CCDC32: variants seen among roughly 807,000 people sequenced by gnomAD.
CCDC32 encodes the protein coiled-coil domain containing 32.
In CCDC32, 9 loss-of-function variants were observed where a neutral mutation model predicts 20.1. The ratio of observed to expected loss-of-function variants is 0.45; its 90% confidence interval spans 0.27 to 0.78. The LOEUF is 0.78. Among genes scored for constraint, CCDC32 ranks in the 30% least tolerant of loss-of-function variants. The pLI is 0.16. For synonymous variants in CCDC32, 63 were observed against 79.0 expected, an observed-to-expected ratio of 0.80 and a Z score of 1.07; for missense variants, 204 against 215.5, an observed-to-expected ratio of 0.95 and a Z score of 0.33.
downstream of CCDC32, chr15:40,534,377 T>C (rs1355363436): frequency 6.4e-6 from 1 of 156,132 alleles, no homozygotes; most frequent in Non-Finnish European, 1.4e-5. Context: ...GGCTCACAGT[T>C]TGGCATGGCT....
chr15:40,558,693 T>C (rs1213772291), intron 2 of CCDC32, among the ~76,000 whole-genome samples: 1 of 152,192 alleles, frequency 6.6e-6, no homozygotes, highest in African/African-American at 2.4e-5. Flanking sequence ...ATGACTCTTA[T>C]TTTCTTCAGA....
chr15:40,551,154 G>A (rs112078527), downstream of CCDC32, among the ~76,000 whole-genome samples: 2,460 of 152,218 alleles, frequency 0.016, 56 homozygotes, highest in African/African-American at 0.056. Flanking sequence ...AGGCCGAGGC[G>A]GGCGGATCAT....
downstream of CCDC32, chr15:40,537,499 G>A (rs1347705698): frequency 6.6e-6 from 1 of 152,272 alleles, no homozygotes; most frequent in Non-Finnish European, 1.5e-5. Flanking sequence ...GGGGCCACGG[G>A]TACATGAAGG....
At chr15:40,539,801 A>T (rs1377016896) in intron 3 of CCDC32, among the ~76,000 whole-genome samples, 2 of 146,834 alleles carry the variant, frequency 1.4e-5, no homozygotes, top group Admixed American at 1.4e-4. Context: ...TTGCCACCTT[A>T]AGAGGGGCCC....
downstream of CCDC32, chr15:40,532,267 G>A: frequency 1.4e-6 from 1 of 703,098 alleles, no homozygotes; most frequent in Non-Finnish European, 2.6e-6. Flanking sequence ...CTGGCATCAG[G>A]TGTCAAAGCA....
chr15:40,556,284 C>T (rs1403266077), intron 3 of CCDC32, among the ~76,000 whole-genome samples: 1 of 152,178 alleles, frequency 6.6e-6, no homozygotes, highest in African/African-American at 2.4e-5. Context: ...GCTCAGTGGC[C>T]TCTCAATTCC....
At chr15:40,561,307 T>G (rs1181031574) in intron 2 of CCDC32, among the ~76,000 whole-genome samples, 1 of 151,924 alleles carries the variant, frequency 6.6e-6, no homozygotes, top group Non-Finnish European at 1.5e-5. Flanking sequence ...ACTCTCTATC[T>G]ACTGAAAATA....
Position 40,553,903 on chromosome 15 carries a change from GGCGT to G in CCDC32, c.*64_*67del. ...CGCTCTGGACCCGAGACAGCTGCTCGGCGTGTGTGTGTGTGTGTGTGTGTGTGTG... is the reference window on the plus strand; with the variant it reads ...CGCTCTGGACCCGAGACAGCTGCTCGGTGTGTGTGTGTGTGTGTGTGTGTG... On this transcript the variant is annotated 3_prime_UTR_variant, in exon 4 of 4. Transcript: ENST00000416810. 7.4e-7 allele frequency: 1 copy of G among 1,357,112 alleles called. No homozygotes were observed. Among genetic ancestry groups the G allele is most frequent in the East Asian group, 2.6e-5 (1 of 38,030 alleles). 84.1% of individuals were successfully genotyped at this position (1,357,112 alleles called of 1,614,324 possible).
At chr15:40,564,004 G>A (rs1018369525) in intron 1 of CCDC32, among the ~76,000 whole-genome samples, 3 of 151,902 alleles carry the variant, frequency 2.0e-5, no homozygotes, top group Non-Finnish European at 4.4e-5. Flanking sequence ...GCATTTTTTA[G>A]TAAAGACGGG....
intron 3 of CCDC32, among the ~76,000 whole-genome samples, chr15:40,541,025 G>A (rs981644377): frequency 1.3e-5 from 2 of 152,152 alleles, no homozygotes; most frequent in African/African-American, 2.4e-5. Context: ...CAAAGGTCCC[G>A]CACAGCCCTG....
At chr15:40,564,648 G>T in intron 1 of CCDC32, 1 of 1,421,764 alleles carries the variant, frequency 7.0e-7, no homozygotes, top group Non-Finnish European at 9.9e-7. Flanking sequence ...CAGCGTAAAG[G>T]CCGGAAGTAA....
At chr15:40,543,168 G>A (rs1442371822) in intron 3 of CCDC32, among the ~76,000 whole-genome samples, 53 of 151,210 alleles carry the variant, frequency 3.5e-4, no homozygotes, top group Admixed American at 3.5e-3. Context: ...GGAAAAGAAA[G>A]AGAAAAAAGA....
At chr15:40,546,019 T>C (rs1433290082) in intron 3 of CCDC32, among the ~76,000 whole-genome samples, 3 of 152,172 alleles carry the variant, frequency 2.0e-5, no homozygotes, top group Non-Finnish European at 2.9e-5. Context: ...GTTTTGCTTT[T>C]CCCCCATCCC....
At chr15:40,563,077 A>G in intron 1 of CCDC32, 50 bp from the exon 2 acceptor site, 5 of 1,580,784 alleles carry the variant, frequency 3.2e-6, no homozygotes, top group South Asian at 1.2e-5. Flanking sequence ...AGAATACAGC[A>G]TAAGGTTGAG....
downstream of CCDC32, chr15:40,528,669 C>T (rs1009401435): frequency 2.8e-5 from 19 of 669,028 alleles, no homozygotes; most frequent in Non-Finnish European, 3.7e-5. Context: ...CTGGTGATGA[C>T]GGAGGTGGGT....
the CCDC32 span, among the ~76,000 whole-genome samples, chr15:40,522,894 C>G: frequency 6.9e-6 from 1 of 145,782 alleles, no homozygotes; most frequent in Non-Finnish European, 1.5e-5. Flanking sequence ...GTGGCGCAGT[C>G]TCACTCACTG....
In CCDC32 at chr15:40,554,663, A is replaced by G. The variant is rs139605405; in HGVS notation, c.402-536T>C. 2.8e-3 allele frequency among the ~76,000 whole-genome samples: 424 copies of G among 152,206 alleles called. 1 individual carries two copies. Among genetic ancestry groups the G allele is most frequent in the Middle Eastern group, 6.8e-3 (2 of 294 alleles). The stretch of plus-strand genomic sequence containing the variant: ...TCATCCTATAGCAAGTCCCTAAGAT[A>G]AAAACATCTGAGCAGCAAATATTCC... On this transcript the variant is annotated intron_variant, in intron 3 of 3. Transcript: ENST00000416810.
At chr15:40,527,403 T>A (rs1894912952), downstream of CCDC32, among the ~76,000 whole-genome samples, 3 of 152,216 alleles carry the variant, frequency 2.0e-5, no homozygotes, top group South Asian at 6.2e-4. Context: ...ACTCCTGATC[T>A]CAAGCGATCC....
intron 2 of CCDC32, among the ~76,000 whole-genome samples, chr15:40,559,631 A>G (rs1448437463): frequency 6.6e-6 from 1 of 152,112 alleles, no homozygotes; most frequent in East Asian, 1.9e-4. Flanking sequence ...TGTTTTTCTC[A>G]TATCTTTTTC....
Sources: gnomAD v4.1 joint callset for allele counts (sites outside exome capture counted in the v4.1 genomes callset) on GRCh38, gnomAD v4.1.1 for gene constraint, MANE v1.5 for transcripts, NCBI Gene and HGNC (gene_info 2026-07-23, HGNC 2026-07-21) for gene names.